SEM1: variants seen among roughly 807,000 people sequenced by gnomAD.
The protein encoded by SEM1 is SEM1 26S proteasome subunit.
A neutral mutation model predicts 12.7 loss-of-function variants in SEM1; 3 were observed. The ratio of observed to expected loss-of-function variants is 0.24; its 90% CI spans 0.11 to 0.61. The LOEUF (loss-of-function observed/expected upper bound fraction) is 0.61, where lower values mean the gene tolerates loss of function less well. Among genes scored for constraint, SEM1 ranks in the 20% least tolerant of loss-of-function variants. The pLI, the probability that SEM1 is intolerant of heterozygous loss-of-function variation, is 0.88. For synonymous variants in SEM1, 30 were observed against 27.8 expected, an observed-to-expected ratio of 1.08 and a Z score of -0.25; for missense variants, 59 against 81.3, an observed-to-expected ratio of 0.73 and a Z score of 1.06.
chr7:96,483,894 G>C (rs1802644591), exon 4 of SEM1: 1 of 1,536,608 alleles, frequency 6.5e-7, no homozygotes, highest in Non-Finnish European at 8.7e-7. Context: ...AGATTGTAGA[G>C]GTCACCCGAA....
chr7:96,503,154 A>G (rs1190726158), intron 3 of SEM1, among the ~76,000 whole-genome samples: 1 of 152,164 alleles, frequency 6.6e-6, no homozygotes, highest in Admixed American at 6.6e-5. Context: ...CAAAATGGCT[A>G]TGATCAGCTC....
chr7:96,526,044 C>G (rs570727940), intron 2 of SEM1, among the ~76,000 whole-genome samples: 4 of 152,036 alleles, frequency 2.6e-5, no homozygotes, highest in Non-Finnish European at 4.4e-5. Flanking sequence ...ATTTTAAAAT[C>G]TTTTTATCAC....
intron 2 of SEM1, among the ~76,000 whole-genome samples, chr7:96,591,942 C>T (rs1806842565): frequency 6.6e-6 from 1 of 151,538 alleles, no homozygotes; most frequent in South Asian, 2.1e-4. Context: ...GGTGAGTTAA[C>T]CTTGCTTTTT....
rs935049532 is a variant in SEM1 at position 96,570,771 on chromosome 7, C to T, written c.171-64073G>A. Among the ~76,000 whole-genome samples, 13 of 152,268 alleles carry T rather than the reference C, an allele frequency of 8.5e-5. No homozygotes were observed. The South Asian group carries it at 1.2e-3, about 15-fold the overall frequency. On this transcript the variant is annotated intron_variant and NMD_transcript_variant, in intron 2 of 3. Coordinates refer to the SEM1 transcript ENST00000466986. The stretch of plus-strand genomic sequence containing the variant: ...TTCTGGTTCTAGATCCTTGAGGAAT[C>T]GCTACACTGTCTTCCACAATGGTTG...
intron 2 of SEM1, among the ~76,000 whole-genome samples, chr7:96,515,647 C>G (rs532747035): frequency 7.2e-5 from 11 of 152,258 alleles, no homozygotes; most frequent in Admixed American, 1.3e-4. Flanking sequence ...CAATGATAGA[C>G]TGGATTAAGA....
chr7:96,673,976 C>T, intron 2 of SEM1: 1 of 643,182 alleles, frequency 1.6e-6, no homozygotes, highest in Middle Eastern at 2.6e-4. Flanking sequence ...CCTTATGCCC[C>T]AGTCCCATCC....
rs868478521 is a variant in SEM1 at position 96,504,294 on chromosome 7, C to G, written c.*60+2329G>C. Among the ~76,000 whole-genome samples the G allele has an allele frequency of 4.6e-5, 7 of 152,140 alleles. No homozygotes were observed. In the South Asian group the frequency reaches 1.2e-3, roughly 27 times the overall value. On this transcript the variant is annotated intron_variant and NMD_transcript_variant, in intron 3 of 3. Transcript: ENST00000466986. Reference sequence around the variant, plus strand: ...CCCTTTTCTTACAGAATCTGGAACTCTTGTCTTAGAAAAACTACAAGCAGA... The same window carrying G: ...CCCTTTTCTTACAGAATCTGGAACTGTTGTCTTAGAAAAACTACAAGCAGA...
rs1265354450 is a variant in SEM1 at position 96,608,329 on chromosome 7, G to A, written c.170+86469C>T. ...GTGTGTTGGTTGGAACCCTACTTCC[G>A]AGCATCAGTGCTTCCCACCTGTTGG... On this transcript the variant is annotated intron_variant and NMD_transcript_variant, in intron 2 of 3. Transcript: ENST00000466986. 7.2e-5 allele frequency among the ~76,000 whole-genome samples: 11 copies of A among 152,096 alleles called. No individual in the cohort carries two copies. In the East Asian group the frequency reaches 1.7e-3, roughly 24 times the overall value.
intron 2 of SEM1, among the ~76,000 whole-genome samples, chr7:96,577,437 A>G (rs1806243372): frequency 6.6e-6 from 1 of 151,994 alleles, no homozygotes; most frequent in African/African-American, 2.4e-5. Flanking sequence ...AAAATTATTT[A>G]TTATAAAATT....
intron 2 of SEM1, among the ~76,000 whole-genome samples, chr7:96,525,074 A>G (rs1388895238): frequency 6.6e-6 from 1 of 152,082 alleles, no homozygotes; most frequent in Admixed American, 6.6e-5. Context: ...TCCAGCCTCA[A>G]GTCTCTGAAT....
rs1225326031 is a variant in SEM1 at position 96,542,275 on chromosome 7, A to G, written c.171-35577T>C. On this transcript the variant is annotated intron_variant and NMD_transcript_variant, in intron 2 of 3. Coordinates refer to the SEM1 transcript ENST00000466986. ...ATTTATTTGTGTCATCTATGATTCC[A>G]TTTAGCAGTGTTTTGTAGTTCTCCT... Among the ~76,000 whole-genome samples the G allele has an allele frequency of 2.6e-5, 4 of 151,724 alleles. No individual in the cohort carries two copies. In the East Asian group the frequency reaches 7.7e-4, roughly 29 times the overall value.
intron 2 of SEM1, among the ~76,000 whole-genome samples, chr7:96,577,491 C>A (rs1348331321): frequency 1.3e-5 from 2 of 151,652 alleles, no homozygotes; most frequent in Non-Finnish European, 1.5e-5. Context: ...AAACACCCAG[C>A]AGAGAGAAAT....
At chr7:96,572,945 G>A (rs752054798) in intron 2 of SEM1, among the ~76,000 whole-genome samples, 3 of 152,150 alleles carry the variant, frequency 2.0e-5, no homozygotes, top group Non-Finnish European at 2.9e-5. Context: ...CTAAGAACAT[G>A]CTTTATGAAT....
At chr7:96,641,348 T>C (rs1808585930) in intron 2 of SEM1, among the ~76,000 whole-genome samples, 1 of 151,956 alleles carries the variant, frequency 6.6e-6, no homozygotes, top group Non-Finnish European at 1.5e-5. Context: ...GATATAATTA[T>C]TTTTGCTTTA....
At position 96,614,097 on chromosome 7, in the gene SEM1, ATCTACTG is replaced by A. The variant is rs571682452; in HGVS notation, c.170+80694_170+80700del. ...ATTGCTTGGTTTTTTATTCATATCC[ATCTACTG>A]TATTTTCAAAATTCTCTTGCTGGGT... On this transcript the variant is annotated intron_variant and NMD_transcript_variant, in intron 2 of 3. Coordinates refer to the SEM1 transcript ENST00000466986. 2.1e-3 allele frequency among the ~76,000 whole-genome samples: 319 copies of A among 152,274 alleles called. 1 individual carries two copies. Among genetic ancestry groups the A allele is most frequent in the South Asian group, 8.5e-3 (41 of 4,830 alleles).
At chr7:96,538,744 G>T (rs1180034671) in intron 2 of SEM1, among the ~76,000 whole-genome samples, 2 of 151,706 alleles carry the variant, frequency 1.3e-5, no homozygotes, top group Admixed American at 6.6e-5. Context: ...TCTACCCTCT[G>T]CTCTCACTTC....
chr7:96,695,744 C>G (rs1790075580), intron 1 of SEM1: 1 of 151,914 alleles, frequency 6.6e-6, no homozygotes, highest in East Asian at 1.9e-4. Context: ...TTTCAAGGTT[C>G]TAAGACAACA....
intron 2 of SEM1, among the ~76,000 whole-genome samples, chr7:96,586,181 G>C (rs541407361): frequency 1.3e-5 from 2 of 152,004 alleles, no homozygotes; most frequent in Admixed American, 1.3e-4. Flanking sequence ...ATTTTTCACT[G>C]ACTCAAGGAA....
At chr7:96,536,275 T>C (rs770793674) in intron 2 of SEM1, among the ~76,000 whole-genome samples, 4 of 151,854 alleles carry the variant, frequency 2.6e-5, no homozygotes, top group Admixed American at 6.6e-5. Flanking sequence ...TTTTATTCTA[T>C]TGTGATTTGA....
Sources: allele counts gnomAD v4.1 joint callset (sites outside exome capture counted in the v4.1 genomes callset), GRCh38; gene constraint gnomAD v4.1.1; transcripts MANE v1.5; gene names NCBI Gene and HGNC (gene_info 2026-07-23, HGNC 2026-07-21).